The following SLC35D4 variants were observed in gnomAD, a reference collection of about 807,000 sequenced individuals.
The protein encoded by SLC35D4 is solute carrier family 35 member D4, also known as UDP-N-acetylglucosamine transporter SLC35D4.
chr18:23,377,734 G>T, the SLC35D4 span: 2 of 1,394,072 alleles, frequency 1.4e-6, no homozygotes, highest in South Asian at 3.2e-5. Flanking sequence ...CTCTTAAAAG[G>T]AAACATTTTG....
the SLC35D4 span, among the ~76,000 whole-genome samples, chr18:23,409,530 C>A: frequency 1.1e-4 from 17 of 152,176 alleles, no homozygotes; most frequent in Admixed American, 1.1e-3. Context: ...TCAATTCAAT[C>A]AATTACAGAT....
the SLC35D4 span, among the ~76,000 whole-genome samples, chr18:23,404,470 C>T: frequency 1.3e-5 from 2 of 151,542 alleles, no homozygotes; most frequent in African/African-American, 4.8e-5. Flanking sequence ...GTCAGGAGAT[C>T]GAGACCATCC....
chr18:23,427,320 A>G, the SLC35D4 span, among the ~76,000 whole-genome samples: 1 of 152,252 alleles, frequency 6.6e-6, no homozygotes, highest in Non-Finnish European at 1.5e-5. Context: ...ACAAATTTAC[A>G]AGAAAATATC....
chr18:23,405,131 T>C, the SLC35D4 span, among the ~76,000 whole-genome samples: 105 of 151,788 alleles, frequency 6.9e-4, no homozygotes, highest in Non-Finnish European at 1.4e-3. Flanking sequence ...AATCTGCCAG[T>C]GCCCTCATCT....
chr18:23,428,922 T>C, the SLC35D4 span, among the ~76,000 whole-genome samples: 3 of 152,382 alleles, frequency 2.0e-5, no homozygotes, highest in South Asian at 4.1e-4. Context: ...CTGCCATTTA[T>C]AAGTAAAAAC....
chr18:23,392,322 T>G, the SLC35D4 span, among the ~76,000 whole-genome samples: 1 of 152,206 alleles, frequency 6.6e-6, no homozygotes, highest in South Asian at 2.1e-4. Flanking sequence ...CTACCACACA[T>G]CCTCTCTGGA....
chr18:23,398,661 C>T, the SLC35D4 span, among the ~76,000 whole-genome samples: 2 of 152,216 alleles, frequency 1.3e-5, no homozygotes, highest in African/African-American at 4.8e-5. Flanking sequence ...ACAGTCCTCA[C>T]TGCTATTTTG....
At chr18:23,394,859 T>G in the SLC35D4 span, among the ~76,000 whole-genome samples, 1 of 151,856 alleles carries the variant, frequency 6.6e-6, no homozygotes, top group South Asian at 2.1e-4. Context: ...GGTGCATGCC[T>G]GTAACCCCAG....
the SLC35D4 span, among the ~76,000 whole-genome samples, chr18:23,436,185 G>A: frequency 6.6e-6 from 1 of 151,838 alleles, no homozygotes; most frequent in Admixed American, 6.6e-5. Flanking sequence ...CTGCCACCAC[G>A]CCTGGCTAAT....
chr18:23,251,963 G>A, the SLC35D4 span, among the ~76,000 whole-genome samples: 7 of 152,050 alleles, frequency 4.6e-5, no homozygotes, highest in South Asian at 1.0e-3. Context: ...GTGGGCGCCT[G>A]TATTTCCAGC....
the SLC35D4 span, among the ~76,000 whole-genome samples, chr18:23,254,741 C>T: frequency 1.3e-5 from 2 of 152,186 alleles, no homozygotes; most frequent in South Asian, 4.1e-4. Flanking sequence ...AAAGCAAGCA[C>T]TCTGGTTTCT....
At chr18:23,337,846 A>G in the SLC35D4 span, among the ~76,000 whole-genome samples, 2 of 152,254 alleles carry the variant, frequency 1.3e-5, no homozygotes, top group African/African-American at 2.4e-5. Context: ...GAAAAATAGC[A>G]GGAGAGATAG....
the SLC35D4 span, among the ~76,000 whole-genome samples, chr18:23,351,371 C>T: frequency 1.3e-5 from 2 of 152,022 alleles, no homozygotes; most frequent in African/African-American, 4.8e-5. Flanking sequence ...CATGCCACTG[C>T]ACTCCAGTCT....
the SLC35D4 span, among the ~76,000 whole-genome samples, chr18:23,434,515 A>G: frequency 1.3e-5 from 2 of 152,236 alleles, no homozygotes; most frequent in Non-Finnish European, 2.9e-5. Context: ...GGCTGGGCAC[A>G]GTGGCTTATA....
At chr18:23,251,042 TC>T in the SLC35D4 span, among the ~76,000 whole-genome samples, 2 of 152,330 alleles carry the variant, frequency 1.3e-5, no homozygotes, top group South Asian at 4.1e-4. Flanking sequence ...GCCACCAACT[TC>T]CATTAGAGCT....
chr18:23,279,012 CAAAAAA>C, the SLC35D4 span, among the ~76,000 whole-genome samples: 2 of 96,048 alleles, frequency 2.1e-5, no homozygotes, highest in Non-Finnish European at 4.9e-5. Context: ...GACCCCATCT[CAAAAAA>C]AAAAAAAAAA....
chr18:23,401,992 G>A, the SLC35D4 span, among the ~76,000 whole-genome samples: 5 of 152,334 alleles, frequency 3.3e-5, no homozygotes, highest in South Asian at 2.1e-4. Context: ...GGCTCCAGAC[G>A]TGGGACCACC....
the SLC35D4 span, chr18:23,399,657 G>T: frequency 1.8e-5 from 29 of 1,613,094 alleles, no homozygotes; most frequent in Admixed American, 4.7e-4. Context: ...TCTGAAAAGA[G>T]GGGAAAAAAG....
At chr18:23,349,632 AAAAAC>A in the SLC35D4 span, among the ~76,000 whole-genome samples, 1 of 152,270 alleles carries the variant, frequency 6.6e-6, no homozygotes, top group East Asian at 1.9e-4. Context: ...CTACGTCTCA[AAAAAC>A]AAAACAAAAC....
Sources: gnomAD v4.1 joint callset for allele counts (sites outside exome capture counted in the v4.1 genomes callset) on GRCh38, gnomAD v4.1.1 for gene constraint, MANE v1.5 for transcripts, NCBI Gene and HGNC (gene_info 2026-07-23, HGNC 2026-07-21) for gene names.